Variants in CENPN observed in about 807,000 individuals in gnomAD.
The protein encoded by CENPN is centromere protein N, also known as interphase centromere complex protein 32.
In CENPN, 36 loss-of-function variants were observed where a neutral mutation model predicts 48.6. The ratio of observed to expected loss-of-function variants is 0.74; its 90% CI spans 0.57 to 0.98. The LOEUF is 0.98. CENPN is among the 50% of genes least tolerant of loss of function. CENPN has a pLI of 0.00. For synonymous variants in CENPN, 166 were observed against 135.2 expected, an observed-to-expected ratio of 1.23 and a Z score of -1.58; for missense variants, 439 against 399.2, an observed-to-expected ratio of 1.10 and a Z score of -0.85.
intron 1 of CENPN, chr16:81,007,555 G>A (rs540750608): frequency 1.3e-5 from 2 of 152,278 alleles, no homozygotes; most frequent in Non-Finnish European, 2.9e-5. Context: ...GTGTGGTCAT[G>A]TGACCAGGGG....
intron 2 of CENPN, 94 bp downstream of exon 2, chr16:81,012,204 G>T: frequency 9.0e-7 from 1 of 1,115,386 alleles, no homozygotes; most frequent in Non-Finnish European, 1.3e-6. Flanking sequence ...ATGTAAGGTA[G>T]CTGCTAAACT....
At chr16:81,031,849 C>T (rs1423339333), downstream of CENPN, among the ~76,000 whole-genome samples, 3 of 152,098 alleles carry the variant, frequency 2.0e-5, no homozygotes, top group Admixed American at 6.5e-5. Flanking sequence ...GTGATCCTGC[C>T]GCCTCGGCCT....
Position 81,030,470 on chromosome 16 carries a change from C to T in CENPN, c.*1819C>T, listed in dbSNP as rs1365857803. The stretch of plus-strand genomic sequence containing the variant: ...ATAGAAAAATGACTTCACTCTGGGC[C>T]GGGTGTAGTGGCTCACGCCTGTAAT... On this transcript the variant is annotated 3_prime_UTR_variant, in exon 11 of 11. Coordinates refer to ENST00000305850, the MANE Select transcript of CENPN (RefSeq NM_001100624.3). 10 of 895,824 alleles carry T rather than the reference C, an allele frequency of 1.1e-5. No individual in the cohort carries two copies. The highest frequency in any genetic ancestry group is 5.4e-5 in the African/African-American group (3 of 55,452). The allele number at this position is 895,824 out of a possible 1,614,324, so 55.5% of individuals were successfully genotyped here.
chr16:81,028,838 G>C lies in CENPN; in HGVS notation c.*187G>C, dbSNP rs774119939. 7.3e-7 allele frequency: 1 copy of C among 1,367,358 alleles called. No individual in the cohort carries two copies. Among genetic ancestry groups the C allele is most frequent in the Admixed American group, 3.4e-5 (1 of 29,172 alleles). 84.7% of individuals were successfully genotyped at this position (1,367,358 alleles called of 1,614,324 possible). ...CCTCCACGATATGCCTCCTCTCTCTGATATCCTGCTAACTGTAGCCGTTGT... is the reference window on the plus strand; with the variant it reads ...CCTCCACGATATGCCTCCTCTCTCTCATATCCTGCTAACTGTAGCCGTTGT... On this transcript the variant is annotated 3_prime_UTR_variant, in exon 11 of 11. Coordinates refer to ENST00000305850, the MANE Select transcript of CENPN (RefSeq NM_001100624.3).
chr16:81,010,157 C>T (rs1322183618), intron 1 of CENPN, among the ~76,000 whole-genome samples: 1 of 152,094 alleles, frequency 6.6e-6, no homozygotes, highest in East Asian at 1.9e-4. Context: ...GAGGTTGCAC[C>T]ACTGCACTCC....
intron 3 of CENPN, among the ~76,000 whole-genome samples, chr16:81,016,052 C>G (rs867538646): frequency 6.6e-6 from 1 of 151,696 alleles, no homozygotes; most frequent in African/African-American, 2.4e-5. Context: ...AGTCCAGAGG[C>G]ACAGACAGAG....
chr16:81,032,002 A>T (rs963334404), downstream of CENPN, among the ~76,000 whole-genome samples: 1 of 152,212 alleles, frequency 6.6e-6, no homozygotes, highest in African/African-American at 2.4e-5. Flanking sequence ...TGAGGCACAG[A>T]AAATGATGGT....
intron 6 of CENPN, among the ~76,000 whole-genome samples, chr16:81,021,629 A>C (rs1410174373): frequency 6.6e-6 from 1 of 151,980 alleles, no homozygotes; most frequent in Admixed American, 6.6e-5. Flanking sequence ...ACTCACTTCT[A>C]TTTCCTTAAA....
downstream of CENPN, among the ~76,000 whole-genome samples, chr16:81,032,372 C>T (rs1030449915): frequency 6.6e-6 from 1 of 152,202 alleles, no homozygotes; most frequent in African/African-American, 2.4e-5. Flanking sequence ...TACTGCTCCT[C>T]AGAAGAATTA....
chr16:81,032,729 G>C, downstream of CENPN: 1 of 1,579,634 alleles, frequency 6.3e-7, no homozygotes, highest in South Asian at 1.1e-5. Flanking sequence ...CATTTAAATG[G>C]TTAATCAAAT....
At chr16:81,010,183 G>C (rs1969684336) in intron 1 of CENPN, among the ~76,000 whole-genome samples, 1 of 152,164 alleles carries the variant, frequency 6.6e-6, no homozygotes, top group Non-Finnish European at 1.5e-5. Context: ...GGGCGACAGA[G>C]TGAGACTCTA....
At chr16:81,011,790 C>G (rs1969749617) in intron 1 of CENPN, 140 bp from the exon 2 acceptor site, 1 of 638,108 alleles carries the variant, frequency 1.6e-6, no homozygotes, top group Non-Finnish European at 2.6e-6. Flanking sequence ...ATTGCTTGAG[C>G]CTAAGAGTTC....
chr16:81,012,237 T>G, intron 2 of CENPN, 127 bp downstream of exon 2: 2 of 661,252 alleles, frequency 3.0e-6, no homozygotes. Context: ...ATGAGGGCTA[T>G]ATACAACTGC....
downstream of CENPN, chr16:81,032,447 G>A: frequency 1.1e-6 from 1 of 930,854 alleles, no homozygotes; most frequent in Non-Finnish European, 1.6e-6. Context: ...ACCCCATTGG[G>A]GGTTGGGGAA....
intron 9 of CENPN, among the ~76,000 whole-genome samples, chr16:81,026,981 G>C (rs1970529983): frequency 6.6e-6 from 1 of 151,846 alleles, no homozygotes; most frequent in African/African-American, 2.4e-5. Context: ...AGTTTTAGTA[G>C]AGACGGGGTT....
chr16:81,032,123 A>T (rs1001144589), downstream of CENPN, among the ~76,000 whole-genome samples: 1 of 150,770 alleles, frequency 6.6e-6, no homozygotes, highest in African/African-American at 2.4e-5. Context: ...GCAGAGAGGA[A>T]CTCCCTCTGG....
rs569407174 is a variant in CENPN at position 81,021,002 on chromosome 16, G to T, written c.531+726G>T. Among the ~76,000 whole-genome samples the T allele has an allele frequency of 2.6e-5, 4 of 151,764 alleles. No individual in the cohort carries two copies. In the South Asian group the frequency reaches 8.3e-4, roughly 32 times the overall value. The stretch of plus-strand genomic sequence containing the variant: ...AGTTACTTGGGAGGCTGAGGCAGGA[G>T]AATTGCTTGAACCCGGGAGGCAGAG... On this transcript the variant is annotated intron_variant, in intron 6 of 10. Coordinates refer to ENST00000305850, the MANE Select transcript of CENPN (RefSeq NM_001100624.3).
intron 2 of CENPN, among the ~76,000 whole-genome samples, chr16:81,012,410 G>A (rs1969779769): frequency 6.6e-6 from 1 of 152,138 alleles, no homozygotes; most frequent in African/African-American, 2.4e-5. Flanking sequence ...TATCAAGGAT[G>A]AAAAGACAAC....
At chr16:81,032,443 T>C (rs149321789), downstream of CENPN, 242 of 898,068 alleles carry the variant, frequency 2.7e-4, 1 homozygote, top group South Asian at 2.4e-3. Context: ...CCACACCCCA[T>C]TGGGGGTTGG....
Sources: gnomAD v4.1 joint callset for allele counts (sites outside exome capture counted in the v4.1 genomes callset) on GRCh38, gnomAD v4.1.1 for gene constraint, MANE v1.5 for transcripts, NCBI Gene and HGNC (gene_info 2026-07-23, HGNC 2026-07-21) for gene names.